DLG2: variants seen among roughly 807,000 people sequenced by gnomAD.
DLG2 encodes discs large MAGUK scaffold protein 2.
A neutral mutation model predicts 132.5 loss-of-function variants in DLG2; 45 were observed. The ratio of observed to expected loss-of-function variants is 0.34; its 90% CI spans 0.27 to 0.44. The LOEUF (loss-of-function observed/expected upper bound fraction) is 0.44. Ranked by LOEUF, DLG2 falls within the 20% of genes least tolerant of loss-of-function variation. The pLI is 1.00. For missense variants in DLG2, 1,045 were observed against 1,196.9 expected, an observed-to-expected ratio of 0.87 and a Z score of 1.87; for synonymous variants, 424 against 419.6, an observed-to-expected ratio of 1.01 and a Z score of -0.13.
chr11:85,541,884 A>G (rs2075997820), intron 3 of DLG2, among the ~76,000 whole-genome samples: 1 of 152,188 alleles, frequency 6.6e-6, no homozygotes, highest in South Asian at 2.1e-4. Flanking sequence ...TTTAATTCAA[A>G]TGCAAATGGA....
intron 3 of DLG2, among the ~76,000 whole-genome samples, chr11:85,388,906 C>CA (rs993890383): frequency 6.6e-6 from 1 of 151,976 alleles, no homozygotes; most frequent in African/African-American, 2.4e-5. Context: ...GAAGAAACCA[C>CA]AAAAAAACAA....
At chr11:84,765,257 C>A (rs1287191328) in intron 6 of DLG2, among the ~76,000 whole-genome samples, 2 of 151,996 alleles carry the variant, frequency 1.3e-5, no homozygotes, top group South Asian at 2.1e-4. Context: ...ATTATATAGT[C>A]CCTGTTTCTA....
chr11:83,506,305 G>A (rs1426744553), intron 21 of DLG2, among the ~76,000 whole-genome samples: 1 of 152,128 alleles, frequency 6.6e-6, no homozygotes, highest in Non-Finnish European at 1.5e-5. Flanking sequence ...TCCCTAGTGG[G>A]CCCAAATCAA....
intron 7 of DLG2, among the ~76,000 whole-genome samples, chr11:84,340,890 G>A (rs1179203321): frequency 6.6e-6 from 1 of 152,112 alleles, no homozygotes; most frequent in Non-Finnish European, 1.5e-5. Flanking sequence ...TGGGAAATAG[G>A]GAATGGTTGA....
intron 9 of DLG2, among the ~76,000 whole-genome samples, chr11:84,137,570 C>G (rs1163992681): frequency 6.6e-6 from 1 of 152,118 alleles, no homozygotes; most frequent in Non-Finnish European, 1.5e-5. Context: ...AGGTTATTAT[C>G]AACAGATGTT....
chr11:83,965,458 T>C lies in DLG2; in HGVS notation c.1067A>G (p.Tyr356Cys). 9 of 1,607,194 alleles carry C rather than the reference T, an allele frequency of 5.6e-6. No homozygotes were observed. Among genetic ancestry groups the C allele is most frequent in the Non-Finnish European group, 7.6e-6 (9 of 1,176,558 alleles). Residue 356 changes from tyrosine (Y) to cysteine (C), a missense_variant, in exon 13 of 28, where the codon TAC becomes TGC. This residue lies in a region of DLG2 where 261 missense variants were observed against 256.1 expected (regional missense o/e 1.02). Transcript: ENST00000376104. ...TTCGTGTGTTACTTCTTCTAAACTG[T>C]AGTTGTTTACCTGAAAGGGTGAAAA... Reference protein sequence around the residue: ...VGDRLLMVNNYSLEEVTHEEA... With the variant: ...VGDRLLMVNNCSLEEVTHEEA...
At chr11:84,272,294 A>T (rs1221083254) in intron 7 of DLG2, 1 of 440,628 alleles carries the variant, frequency 2.3e-6, no homozygotes, top group Admixed American at 2.4e-5. Context: ...AGGAAGATTT[A>T]TTCCAACTGT....
intron 6 of DLG2, among the ~76,000 whole-genome samples, chr11:84,727,044 G>C (rs574627797): frequency 2.6e-5 from 4 of 152,276 alleles, no homozygotes; most frequent in East Asian, 3.9e-4. Context: ...CATTCTGTAG[G>C]TTGCCTGTTC....
chr11:85,590,715 A>C (rs1307729691), intron 3 of DLG2, among the ~76,000 whole-genome samples: 1 of 151,950 alleles, frequency 6.6e-6, no homozygotes, highest in Non-Finnish European at 1.5e-5. Flanking sequence ...TCAAGGCTAT[A>C]ATATTAATAA....
At chr11:85,455,772 G>A (rs2092402060) in intron 3 of DLG2, among the ~76,000 whole-genome samples, 1 of 152,138 alleles carries the variant, frequency 6.6e-6, no homozygotes, top group Non-Finnish European at 1.5e-5. Flanking sequence ...TGCATCTATT[G>A]AGATAATCAT....
chr11:84,706,111 T>C lies in DLG2; in HGVS notation c.358-171380A>G, dbSNP rs543951108. 8.6e-5 allele frequency among the ~76,000 whole-genome samples: 13 copies of C among 151,948 alleles called. 1 individual carries two copies. The South Asian group carries it at 2.5e-3, about 29-fold the overall frequency. On this transcript the variant is annotated intron_variant, in intron 6 of 27. Transcript: ENST00000376104. ...TGACACAAATTGAGTCCTGAAGGAATACTATTAATATTTCCTTGATGGCTT... is the reference window on the plus strand; with the variant it reads ...TGACACAAATTGAGTCCTGAAGGAACACTATTAATATTTCCTTGATGGCTT...
At chr11:85,411,405 G>A (rs78023106) in intron 3 of DLG2, among the ~76,000 whole-genome samples, 9,853 of 151,838 alleles carry the variant, frequency 0.065, 590 homozygotes, top group East Asian at 0.29. Flanking sequence ...GACATTATAA[G>A]AGAGGGTACT....
chr11:84,980,265 T>C (rs1235623956), intron 6 of DLG2, among the ~76,000 whole-genome samples: 1 of 152,154 alleles, frequency 6.6e-6, no homozygotes, highest in East Asian at 1.9e-4. Flanking sequence ...TACAATAAGA[T>C]GTAGGCTAGA....
At chr11:84,341,482 G>T (rs1002868208) in intron 7 of DLG2, among the ~76,000 whole-genome samples, 3 of 152,158 alleles carry the variant, frequency 2.0e-5, no homozygotes, top group African/African-American at 7.2e-5. Context: ...CTGCACATGA[G>T]AATCTGTTTA....
rs1467910728 is a variant in DLG2 at position 83,455,866 on chromosome 11, A to G, written c.*3952T>C. 1 of 152,454 alleles carries G rather than the reference A, an allele frequency of 6.6e-6. No homozygotes were observed. The highest frequency in any genetic ancestry group is 1.5e-5 in the Non-Finnish European group (1 of 68,042). The allele number at this position is 152,454 out of a possible 1,614,324, so 9.4% of individuals were successfully genotyped here. On this transcript the variant is annotated 3_prime_UTR_variant, in exon 28 of 28. Transcript: ENST00000376104. The stretch of plus-strand genomic sequence containing the variant: ...TGATCTTTTTCCCTCTAGGAGTAAC[A>G]AATTAATGTGATCAACTTAGGAATT...
chr11:85,598,624 A>T (rs1418053398), intron 3 of DLG2, 33 bp downstream of exon 3: 2 of 1,500,790 alleles, frequency 1.3e-6, no homozygotes, highest in South Asian at 2.8e-5. Flanking sequence ...AATTCTGACC[A>T]TTAAAATGAT....
At chr11:85,229,917 G>A (rs1363669927) in intron 4 of DLG2, among the ~76,000 whole-genome samples, 2 of 151,868 alleles carry the variant, frequency 1.3e-5, no homozygotes, top group East Asian at 3.9e-4. Context: ...ATGTTTGGTG[G>A]GAGTTGAACA....
At chr11:85,412,427 A>G (rs2089396775) in intron 3 of DLG2, among the ~76,000 whole-genome samples, 1 of 151,506 alleles carries the variant, frequency 6.6e-6, no homozygotes. Flanking sequence ...TGGTTACATA[A>G]GTTCTTTAGT....
intron 8 of DLG2, among the ~76,000 whole-genome samples, chr11:84,181,561 A>C (rs1419319194): frequency 6.6e-6 from 1 of 152,126 alleles, no homozygotes; most frequent in Admixed American, 6.6e-5. Context: ...TAAATACATC[A>C]ATTCAAGAGC....
Sources: allele counts gnomAD v4.1 joint callset (sites outside exome capture counted in the v4.1 genomes callset), GRCh38; gene constraint gnomAD v4.1.1; regional missense constraint gnomAD v4.1.1; transcripts MANE v1.5; gene names NCBI Gene and HGNC (gene_info 2026-07-23, HGNC 2026-07-21).